The following PDXDC1 variants were observed in gnomAD, a reference collection of about 807,000 sequenced individuals.
The protein encoded by PDXDC1 is pyridoxal-dependent decarboxylase domain-containing protein 1.
Under a neutral mutation model 100.1 loss-of-function variants are expected in PDXDC1, and 42 were observed. The ratio of observed to expected loss-of-function variants is 0.42; its 90% CI spans 0.33 to 0.54. PDXDC1 has a LOEUF of 0.54. PDXDC1 is among the 20% of genes least tolerant of loss of function. The pLI, the probability that PDXDC1 is intolerant of heterozygous loss-of-function variation, is 0.10. For synonymous variants in PDXDC1, 260 were observed against 371.7 expected, an observed-to-expected ratio of 0.70 and a Z score of 3.46; for missense variants, 636 against 979.2, an observed-to-expected ratio of 0.65 and a Z score of 4.68.
chr16:15,149,339 A>AAC, the PDXDC1 span, among the ~76,000 whole-genome samples: 1 of 152,186 alleles, frequency 6.6e-6, no homozygotes, highest in Non-Finnish European at 1.5e-5. Context: ...CTCCAGTGAT[A>AAC]ACGGAGCCCT....
Position 15,133,052 on chromosome 16 carries a change from T to C in PDXDC1, c.1400-5827T>C, listed in dbSNP as rs1031462413. 9.4e-6 allele frequency: 7 copies of C among 742,294 alleles called. No individual in the cohort carries two copies. In the Admixed American group the frequency reaches 1.8e-4, roughly 19 times the overall value. The allele number at this position is 742,294 out of a possible 1,614,324, so 46.0% of individuals were successfully genotyped here. ...AACAGGGTAAGCACATGGGCCCTCC[T>C]GGGCGGGGGCTGCATTGTGGAAAGC... On this transcript the variant is annotated intron_variant, in intron 16 of 16. Transcript: ENST00000535621.
Position 14,975,116 on chromosome 16 carries a change from C to T in PDXDC1, c.-84C>T. On this transcript the variant is annotated 5_prime_UTR_variant, in exon 1 of 23. Transcript: ENST00000396410. ...CGGCCGCGGGCGCGGGGGACGTCAG[C>T]GCTGCCAGCGTGGAAGGAGCTGCGG... The T allele has an allele frequency of 1.4e-6, 2 of 1,470,346 alleles. No individual in the cohort carries two copies. The highest frequency in any genetic ancestry group is 2.8e-5 in the Admixed American group (1 of 36,098). The allele number at this position is 1,470,346 out of a possible 1,614,324, so 91.1% of individuals were successfully genotyped here. A position where few individuals can be genotyped will look rare whatever the true frequency, so the allele number is the denominator to read the frequency against.
chr16:15,013,686 CCA>C (rs1482373133), intron 8 of PDXDC1, among the ~76,000 whole-genome samples: 1 of 152,164 alleles, frequency 6.6e-6, no homozygotes, highest in East Asian at 1.9e-4. Context: ...ACCAGCCTGA[CCA>C]ATGTGGTAAA....
chr16:15,097,965 G>A (rs1297346356), intron 16 of PDXDC1, among the ~76,000 whole-genome samples: 1 of 103,296 alleles, frequency 9.7e-6, no homozygotes, highest in Non-Finnish European at 1.8e-5. Flanking sequence ...TTTTTGAGAC[G>A]GAGTCTCCCT....
Position 15,038,132 on chromosome 16 carries a change from G to GT in PDXDC1, c.*1864dup, listed in dbSNP as rs780770021. On this transcript the variant is annotated 3_prime_UTR_variant, in exon 23 of 23. Transcript: ENST00000396410. Reference sequence around the variant, plus strand: ...AACAGTGTGTGAGCTGGAGATGGGTGTTTTTTTAAAAACATCAAGGTAGAT... The same window carrying GT: ...AACAGTGTGTGAGCTGGAGATGGGTGTTTTTTTTAAAAACATCAAGGTAGAT... 4.3e-6 allele frequency: 7 copies of GT among 1,612,034 alleles called. No individual in the cohort carries two copies. The highest frequency in any genetic ancestry group is 2.2e-5 in the South Asian group (2 of 91,032).
Position 15,065,124 on chromosome 16 carries a change from C to T in PDXDC1, c.1399+35068C>T, listed in dbSNP as rs535501693. 177 of 1,284,244 alleles carry T rather than the reference C, an allele frequency of 1.4e-4. No individual in the cohort carries two copies. In the African/African-American group the frequency reaches 2.3e-3, roughly 17 times the overall value. 79.6% of individuals were successfully genotyped at this position (1,284,244 alleles called of 1,614,324 possible). On this transcript the variant is annotated intron_variant, in intron 16 of 16. Transcript: ENST00000535621. ...GAGCTTGCGGTAAGCCGAGATCACA[C>T]CACCGCACTCCAGCCTGGGCGACAG... is the stretch of plus-strand genomic sequence containing the variant.
rs1362258304 is a variant in PDXDC1 at position 14,984,881 on chromosome 16, T to A, written c.21+9661T>A. Among the ~76,000 whole-genome samples the A allele has an allele frequency of 2.0e-5, 3 of 152,364 alleles. No homozygotes were observed. The South Asian group carries it at 6.2e-4, about 32-fold the overall frequency. ...GTGTGTTTTCAAAAGATGAAATTTT[T>A]TTTTTTCCCCTGAAACAGAGTCTTG... On this transcript the variant is annotated intron_variant, in intron 1 of 22. Transcript: ENST00000396410.
intron 16 of PDXDC1, among the ~76,000 whole-genome samples, chr16:15,084,233 A>G (rs2045825256): frequency 1.3e-5 from 2 of 152,320 alleles, no homozygotes; most frequent in African/African-American, 4.8e-5. Context: ...TTAACAAATA[A>G]TCAACGGACA....
chr16:15,128,338 C>T, intron 16 of PDXDC1: 1 of 1,608,112 alleles, frequency 6.2e-7, no homozygotes, highest in Non-Finnish European at 8.5e-7. Flanking sequence ...GTGCCGGTGG[C>T]CGCTCCGGCT....
intron 18 of PDXDC1, 48 bp downstream of exon 18, chr16:15,033,027 G>C: frequency 1.6e-6 from 2 of 1,215,904 alleles, no homozygotes; most frequent in Non-Finnish European, 2.4e-6. Flanking sequence ...AAGGACACTT[G>C]GTAACCGGCT....
At chr16:14,985,569 G>C (rs376496788) in intron 1 of PDXDC1, among the ~76,000 whole-genome samples, 2 of 152,270 alleles carry the variant, frequency 1.3e-5, no homozygotes, top group East Asian at 3.8e-4. Context: ...ACAGGTGTGA[G>C]CCACCGCGCC....
At chr16:15,063,222 G>A in intron 16 of PDXDC1, 3 of 1,612,732 alleles carry the variant, frequency 1.9e-6, no homozygotes, top group Non-Finnish European at 2.5e-6. Context: ...TTGAACTCCT[G>A]TAGCTCTTCA....
downstream of PDXDC1, among the ~76,000 whole-genome samples, chr16:15,140,758 C>T (rs567657156): frequency 5.3e-5 from 8 of 152,114 alleles, no homozygotes; most frequent in Admixed American, 2.6e-4. Context: ...TCAAGCACCT[C>T]GGGGGTCACC....
Position 15,133,085 on chromosome 16 carries a change from G to C in PDXDC1, c.1400-5794G>C, listed in dbSNP as rs981112939. 20 of 623,768 alleles carry C rather than the reference G, an allele frequency of 3.2e-5. No individual in the cohort carries two copies. In the Admixed American group the frequency reaches 5.8e-4, roughly 18 times the overall value. 38.6% of individuals were successfully genotyped at this position (623,768 alleles called of 1,614,324 possible). ...GGCTGCATTGTGGAAAGCAGACGCCGGAGAGGGCCCGGTGGGTGTGGCTGC... is the reference window on the plus strand; with the variant it reads ...GGCTGCATTGTGGAAAGCAGACGCCCGAGAGGGCCCGGTGGGTGTGGCTGC... On this transcript the variant is annotated intron_variant, in intron 16 of 16. Transcript: ENST00000535621.
At chr16:15,060,708 G>C (rs2044679320) in intron 16 of PDXDC1, 1 of 152,404 alleles carries the variant, frequency 6.6e-6, no homozygotes, top group Non-Finnish European at 1.5e-5. Context: ...AGGCTTTAGA[G>C]AAGGATTTCA....
chr16:15,020,353 T>A (rs1268136051), intron 12 of PDXDC1, among the ~76,000 whole-genome samples: 1 of 152,290 alleles, frequency 6.6e-6, no homozygotes, highest in Non-Finnish European at 1.5e-5. Context: ...TTTAAATATA[T>A]TCTTGGGGAG....
chr16:15,000,178 T>C (rs1972840821), intron 3 of PDXDC1, among the ~76,000 whole-genome samples: 1 of 152,286 alleles, frequency 6.6e-6, no homozygotes, highest in African/African-American at 2.4e-5. Flanking sequence ...TCCACGGAAG[T>C]TTTCCCAGGG....
downstream of PDXDC1, chr16:15,041,044 C>G (rs780601596): frequency 1.9e-6 from 3 of 1,553,572 alleles, no homozygotes; most frequent in Admixed American, 3.3e-5. Flanking sequence ...AGACTCCAAC[C>G]CACAAAAGAT....
At position 15,033,332 on chromosome 16, in the gene PDXDC1, A is replaced by C. The variant is rs568219168; in HGVS notation, c.1745A>C (p.Asn582Thr). 6.2e-7 allele frequency: 1 copy of C among 1,614,178 alleles called. No individual in the cohort carries two copies. The highest frequency in any genetic ancestry group is 1.7e-5 in the Admixed American group (1 of 60,028). Reference sequence around the variant, plus strand: ...CTTTATGTCGGCATGGCGAGCGACAACGTCGATGCTGCTGAGCTCGTGGAG... The same window carrying C: ...CTTTATGTCGGCATGGCGAGCGACACCGTCGATGCTGCTGAGCTCGTGGAG... ...SCLYVGMASD[N>T]VDAAELVETI... The change falls in exon 19 of 23, where the codon AAC becomes ACC. Residue 582 changes from asparagine to threonine, a missense_variant. Coordinates refer to ENST00000396410, the MANE Select transcript of PDXDC1 (RefSeq NM_015027.4).
Sources: allele counts gnomAD v4.1 joint callset (sites outside exome capture counted in the v4.1 genomes callset), GRCh38; gene constraint gnomAD v4.1.1; transcripts MANE v1.5; gene names NCBI Gene and HGNC (gene_info 2026-07-23, HGNC 2026-07-21).